CPNE4: variants seen among roughly 807,000 people sequenced by gnomAD.
The protein encoded by CPNE4 is copine-4.
Under a neutral mutation model 67.9 loss-of-function variants are expected in CPNE4, and 25 were observed. The ratio of observed to expected loss-of-function variants is 0.37; its 90% CI spans 0.27 to 0.51. The LOEUF (loss-of-function observed/expected upper bound fraction) is 0.51. Among genes scored for constraint, CPNE4 ranks in the 20% least tolerant of loss-of-function variants. The pLI, the probability that CPNE4 is intolerant of heterozygous loss-of-function variation, is 0.93. For missense variants in CPNE4, 464 were observed against 690.8 expected, an observed-to-expected ratio of 0.67 and a Z score of 3.68; for synonymous variants, 242 against 244.9, an observed-to-expected ratio of 0.99 and a Z score of 0.11.
intron 7 of CPNE4, among the ~76,000 whole-genome samples, chr3:131,653,518 G>A (rs368574797): frequency 6.8e-4 from 103 of 152,186 alleles, no homozygotes; most frequent in African/African-American, 2.5e-3. Flanking sequence ...CTACAAAATA[G>A]GCAGAGTCCT....
intron 9 of CPNE4, 21 bp downstream of exon 9, chr3:131,581,558 A>G: frequency 6.5e-7 from 1 of 1,544,386 alleles, no homozygotes; most frequent in East Asian, 2.2e-5. Flanking sequence ...ATACTCCTGG[A>G]AGAGAGGGTT....
At chr3:131,797,576 A>G (rs1016636841) in intron 2 of CPNE4, among the ~76,000 whole-genome samples, 2 of 152,202 alleles carry the variant, frequency 1.3e-5, no homozygotes, top group African/African-American at 4.8e-5. Context: ...ATTCTGCAGG[A>G]ACTAGGACCA....
intron 1 of CPNE4, among the ~76,000 whole-genome samples, chr3:131,928,207 T>C (rs2070950584): frequency 6.6e-6 from 1 of 152,172 alleles, no homozygotes; most frequent in African/African-American, 2.4e-5. Context: ...TTATATGATA[T>C]CGCTGTTCAA....
rs537027461 is a variant in CPNE4, at chr3:131,952,864, G to T, written c.-1-47420C>A. ...TGCCCTGTCTGTGTAGAAAGAATTA[G>T]ACATGGGAGACTTTTCATTTTGTTC... On this transcript the variant is annotated intron_variant, in intron 1 of 15. Transcript: ENST00000429747. 9.2e-5 allele frequency among the ~76,000 whole-genome samples: 14 copies of T among 152,316 alleles called. No individual in the cohort carries two copies. The South Asian group carries it at 2.7e-3, about 29-fold the overall frequency.
chr3:131,852,837 T>A (rs1024668698), intron 2 of CPNE4, among the ~76,000 whole-genome samples: 3 of 151,534 alleles, frequency 2.0e-5, no homozygotes, highest in Admixed American at 6.6e-5. Flanking sequence ...TTTTTGTTTT[T>A]AATAATAATA....
intron 2 of CPNE4, among the ~76,000 whole-genome samples, chr3:131,845,803 C>T (rs2085974301): frequency 6.6e-6 from 1 of 152,248 alleles, no homozygotes; most frequent in East Asian, 1.9e-4. Flanking sequence ...AGAGGTTGTT[C>T]CGCTATCGTC....
intron 7 of CPNE4, among the ~76,000 whole-genome samples, chr3:131,657,194 T>G (rs983681339): frequency 6.6e-6 from 1 of 152,230 alleles, no homozygotes; most frequent in African/African-American, 2.4e-5. Context: ...TGCAATGATT[T>G]CCTTCTGGTG....
intron 3 of CPNE4, among the ~76,000 whole-genome samples, chr3:131,719,244 A>C (rs1188648978): frequency 6.6e-6 from 1 of 152,208 alleles, no homozygotes; most frequent in East Asian, 1.9e-4. Flanking sequence ...TGACAGAAGC[A>C]AGCTCTGGAT....
chr3:131,710,599 C>T (rs1026577477), intron 3 of CPNE4, among the ~76,000 whole-genome samples: 1 of 152,118 alleles, frequency 6.6e-6, no homozygotes, highest in Non-Finnish European at 1.5e-5. Context: ...TTTGAAATTT[C>T]GCTCTGCAAC....
chr3:131,609,885 A>G (rs1248568985), intron 7 of CPNE4, among the ~76,000 whole-genome samples: 1 of 152,096 alleles, frequency 6.6e-6, no homozygotes, highest in Admixed American at 6.6e-5. Context: ...CCCCTCATCT[A>G]GTTGATATAA....
chr3:131,967,359 G>T (rs546560164), intron 1 of CPNE4, among the ~76,000 whole-genome samples: 7 of 152,294 alleles, frequency 4.6e-5, no homozygotes, highest in Admixed American at 4.6e-4. Context: ...CATAGTGTTG[G>T]AAGTTCTGGC....
intron 2 of CPNE4, among the ~76,000 whole-genome samples, chr3:131,885,109 A>C (rs2107727529): frequency 6.6e-6 from 1 of 152,354 alleles, no homozygotes; most frequent in African/African-American, 2.4e-5. Flanking sequence ...AGAACTTTCT[A>C]GAGACTTGTT....
At chr3:131,748,008 C>T (rs1398196485) in intron 2 of CPNE4, among the ~76,000 whole-genome samples, 2 of 152,012 alleles carry the variant, frequency 1.3e-5, no homozygotes, top group African/African-American at 4.8e-5. Context: ...CTTTATCAAG[C>T]TGAGGAAGTT....
intron 7 of CPNE4, among the ~76,000 whole-genome samples, chr3:131,657,704 T>TTGTGTG (rs56890555): frequency 0.038 from 5,415 of 140,822 alleles, 329 homozygotes; most frequent in East Asian, 0.26. Context: ...CCAGCTAATT[T>TTGTGTG]TGTGTGTGTG....
intron 2 of CPNE4, among the ~76,000 whole-genome samples, chr3:131,762,446 G>A (rs2082912667): frequency 6.6e-6 from 1 of 152,062 alleles, no homozygotes; most frequent in South Asian, 2.1e-4. Flanking sequence ...GAGGGTCATA[G>A]TGATTAACTT....
chr3:131,592,416 C>A (rs1582858295), intron 7 of CPNE4, among the ~76,000 whole-genome samples: 1 of 152,152 alleles, frequency 6.6e-6, no homozygotes, highest in Non-Finnish European at 1.5e-5. Flanking sequence ...TTTTATAAAC[C>A]CAGGCCATTT....
intron 3 of CPNE4, among the ~76,000 whole-genome samples, chr3:131,713,974 T>A (rs1026956890): frequency 6.6e-6 from 1 of 152,066 alleles, no homozygotes; most frequent in South Asian, 2.1e-4. Flanking sequence ...ACTTATGACA[T>A]CATTCATCAC....
intron 1 of CPNE4, among the ~76,000 whole-genome samples, chr3:131,961,755 G>A (rs1170370854): frequency 6.6e-6 from 1 of 152,100 alleles, no homozygotes; most frequent in Non-Finnish European, 1.5e-5. Context: ...CTCAAAAAAT[G>A]ACCTTAAAGA....
intron 7 of CPNE4, among the ~76,000 whole-genome samples, chr3:131,645,278 C>A (rs1273588043): frequency 1.3e-5 from 2 of 152,102 alleles, no homozygotes; most frequent in African/African-American, 4.8e-5. Flanking sequence ...ATCTCTGCAT[C>A]TTTTATGTTT....
Sources: allele counts gnomAD v4.1 joint callset (sites outside exome capture counted in the v4.1 genomes callset), GRCh38; gene constraint gnomAD v4.1.1; transcripts MANE v1.5; gene names NCBI Gene and HGNC (gene_info 2026-07-23, HGNC 2026-07-21).